The following GPC5 variants were observed in gnomAD, a reference collection of about 807,000 sequenced individuals.
The protein encoded by GPC5 is glypican 5.
In GPC5, 47 loss-of-function variants were observed where a neutral mutation model predicts 53.9. That is an observed-to-expected ratio of 0.87 (90% CI 0.69 to 1.11). GPC5 has a LOEUF of 1.11. GPC5 is among the 50% of genes most tolerant of loss of function. The pLI, the probability that GPC5 is intolerant of heterozygous loss-of-function variation, is 0.00. For missense variants in GPC5, 748 were observed against 713.1 expected (o/e 1.05, Z -0.56); for synonymous variants, 286 against 263.3 (o/e 1.09, Z -0.84).
chr13:91,711,155 T>C (rs112965322), intron 3 of GPC5, among the ~76,000 whole-genome samples: 11,072 of 152,192 alleles, frequency 0.073, 485 homozygotes, highest in East Asian at 0.24. Context: ...CACATGCACA[T>C]GTATGTTTAT....
At chr13:92,750,327 CTT>C (rs1311701757) in intron 7 of GPC5, among the ~76,000 whole-genome samples, 6 of 152,066 alleles carry the variant, frequency 3.9e-5, no homozygotes, top group African/African-American at 1.4e-4. Context: ...TCTTGTCTCT[CTT>C]GATATTTTAT....
chr13:92,724,556 T>C (rs1164785211), intron 7 of GPC5, among the ~76,000 whole-genome samples: 1 of 151,612 alleles, frequency 6.6e-6, no homozygotes, highest in African/African-American at 2.4e-5. Flanking sequence ...ATTTTGTCAT[T>C]TGCAACAACA....
At chr13:92,047,995 GA>G (rs200897256) in intron 6 of GPC5, among the ~76,000 whole-genome samples, 4 of 147,702 alleles carry the variant, frequency 2.7e-5, no homozygotes, top group South Asian at 2.1e-4. Flanking sequence ...CATCTCAAAA[GA>G]AAAAAAAAGC....
chr13:92,257,226 T>C (rs1167353274), intron 7 of GPC5, among the ~76,000 whole-genome samples: 2 of 152,174 alleles, frequency 1.3e-5, no homozygotes, highest in Non-Finnish European at 2.9e-5. Flanking sequence ...TATCTGTTCA[T>C]AGTTTTTAAT....
intron 7 of GPC5, among the ~76,000 whole-genome samples, chr13:92,615,870 G>A (rs1884668306): frequency 1.3e-5 from 2 of 151,990 alleles, no homozygotes; most frequent in Non-Finnish European, 2.9e-5. Flanking sequence ...CTGGCTAACA[G>A]GTGAAACCCC....
intron 5 of GPC5, among the ~76,000 whole-genome samples, chr13:91,825,018 C>T (rs1479816934): frequency 1.3e-5 from 2 of 151,822 alleles, no homozygotes; most frequent in South Asian, 2.1e-4. Flanking sequence ...TATTCTAAAG[C>T]CTGTGATCTC....
chr13:92,748,699 A>G (rs900346736), intron 7 of GPC5, among the ~76,000 whole-genome samples: 2 of 152,172 alleles, frequency 1.3e-5, no homozygotes, highest in African/African-American at 4.8e-5. Context: ...TGTTTAAAAT[A>G]TAAAGAGCTT....
At chr13:92,392,116 G>C (rs1347469144) in intron 7 of GPC5, among the ~76,000 whole-genome samples, 1 of 152,148 alleles carries the variant, frequency 6.6e-6, no homozygotes, top group African/African-American at 2.4e-5. Flanking sequence ...TAGTTTAGCA[G>C]CTGTCATACT....
At chr13:92,095,489 A>G (rs2041414793) in intron 6 of GPC5, among the ~76,000 whole-genome samples, 3 of 151,964 alleles carry the variant, frequency 2.0e-5, no homozygotes, top group South Asian at 2.1e-4. Flanking sequence ...CTGGGACTAC[A>G]GGTGCACGCC....
chr13:91,683,988 T>C (rs1035660672), intron 2 of GPC5, among the ~76,000 whole-genome samples: 1 of 152,206 alleles, frequency 6.6e-6, no homozygotes, highest in African/African-American at 2.4e-5. Flanking sequence ...GCTAAGGGCT[T>C]CTCTTTCTCA....
intron 7 of GPC5, among the ~76,000 whole-genome samples, chr13:92,547,996 A>ATTT (rs35318055): frequency 0.15 from 20,646 of 135,958 alleles, 2,012 homozygotes; most frequent in Non-Finnish European, 0.22. Context: ...CGCCTGGCTA[A>ATTT]TTTTTTTTTT....
In GPC5 at chr13:92,380,630, T is replaced by C. The variant is rs567061207; in HGVS notation, c.1561+235641T>C. On this transcript the variant is annotated intron_variant, in intron 7 of 7. Transcript: ENST00000377067. ...TAAAAAATGATGAGTTCATGTCCTT[T>C]GTAGGGACGTGGATGAAATTGGAAA... is the stretch of plus-strand genomic sequence containing the variant. 1.9e-4 allele frequency among the ~76,000 whole-genome samples: 29 copies of C among 152,050 alleles called. No individual in the cohort carries two copies. In the East Asian group the frequency reaches 4.7e-3, roughly 24 times the overall value.
intron 7 of GPC5, among the ~76,000 whole-genome samples, chr13:92,534,063 G>C (rs1012220539): frequency 2.0e-5 from 3 of 152,110 alleles, no homozygotes; most frequent in African/African-American, 7.2e-5. Context: ...TAAGTGAGAA[G>C]ATCACTTGAG....
intron 6 of GPC5, among the ~76,000 whole-genome samples, chr13:92,012,741 A>G (rs1054933536): frequency 6.6e-6 from 1 of 152,272 alleles, no homozygotes; most frequent in African/African-American, 2.4e-5. Context: ...CATAAATGCT[A>G]TCTAAGTTTA....
chr13:92,137,380 A>G (rs2041792578), intron 6 of GPC5, among the ~76,000 whole-genome samples: 1 of 152,226 alleles, frequency 6.6e-6, no homozygotes, highest in African/African-American at 2.4e-5. Flanking sequence ...TTTTATAATT[A>G]GGTAGACGCA....
chr13:92,107,405 A>G lies in GPC5; in HGVS notation c.1402-37425A>G, dbSNP rs116246827. 4.5e-3 allele frequency among the ~76,000 whole-genome samples: 680 copies of G among 152,190 alleles called. 4 individuals are homozygous for G. The highest frequency in any genetic ancestry group is 0.015 in the African/African-American group (631 of 41,560). ...TTTCTTGTGATATGCCTAGGTTATA[A>G]TATTAAGGAACATCGACTTTTCTCA... On this transcript the variant is annotated intron_variant, in intron 6 of 7. Coordinates refer to ENST00000377067, the MANE Select transcript of GPC5 (RefSeq NM_004466.6).
chr13:92,538,634 C>G lies in GPC5; in HGVS notation c.1562-327648C>G, dbSNP rs568407844. 2.1e-5 allele frequency among the ~76,000 whole-genome samples: 3 copies of G among 144,000 alleles called. No homozygotes were observed. In the South Asian group the frequency reaches 6.9e-4, roughly 33 times the overall value. The allele number at this position is 144,000 out of a possible 152,430, so 94.5% of individuals were successfully genotyped here. On this transcript the variant is annotated intron_variant, in intron 7 of 7. Transcript: ENST00000377067. ...CCTTGCAACTCACCACCCAGCAGGC[C>G]CCGGTGTGTGATGTTCCCCTCCCTG...
At chr13:92,535,979 G>A (rs766602506) in intron 7 of GPC5, among the ~76,000 whole-genome samples, 1 of 152,054 alleles carries the variant, frequency 6.6e-6, no homozygotes, top group Non-Finnish European at 1.5e-5. Context: ...AATTAGACAA[G>A]CAGCAGATAT....
intron 7 of GPC5, among the ~76,000 whole-genome samples, chr13:92,203,242 G>A (rs1221559141): frequency 2.6e-5 from 4 of 151,274 alleles, no homozygotes; most frequent in African/African-American, 7.3e-5. Flanking sequence ...CAACCCAAAT[G>A]TCCAACAATG....
Sources: gnomAD v4.1 joint callset for allele counts (sites outside exome capture counted in the v4.1 genomes callset) on GRCh38, gnomAD v4.1.1 for gene constraint, MANE v1.5 for transcripts, NCBI Gene and HGNC (gene_info 2026-07-23, HGNC 2026-07-21) for gene names.